Variants in NVL observed in about 807,000 individuals in gnomAD.
NVL encodes nuclear VCP like.
Under a neutral mutation model 110.2 loss-of-function variants are expected in NVL, and 84 were observed. That is an observed-to-expected ratio of 0.76 (90% CI 0.64 to 0.91). The LOEUF (loss-of-function observed/expected upper bound fraction) is 0.91. Among genes scored for constraint, NVL ranks in the 40% least tolerant of loss-of-function variants. The pLI is 0.00. For missense variants in NVL, 882 were observed against 1,035.9 expected (o/e 0.85, Z 2.04); for synonymous variants, 354 against 361.1 (o/e 0.98, Z 0.22).
chr1:224,227,505 G>T lies in NVL; in HGVS notation c.*121C>A. The T allele has an allele frequency of 1.5e-6, 1 of 687,302 alleles. No individual in the cohort carries two copies. Among genetic ancestry groups the T allele is most frequent in the Non-Finnish European group, 2.2e-6 (1 of 451,670 alleles). 42.6% of individuals were successfully genotyped at this position (687,302 alleles called of 1,614,324 possible). Reference sequence around the variant, plus strand: ...AGCTTCAGCTTGGCCTCATTCATTTGAAAATAAAATGTTTACATGAGGCCG... The same window carrying T: ...AGCTTCAGCTTGGCCTCATTCATTTTAAAATAAAATGTTTACATGAGGCCG... On this transcript the variant is annotated 3_prime_UTR_variant, in exon 23 of 23. Transcript: ENST00000281701.
chr1:224,272,257 A>G (rs538742699), intron 17 of NVL, among the ~76,000 whole-genome samples: 1 of 151,706 alleles, frequency 6.6e-6, no homozygotes, highest in African/African-American at 2.4e-5. Context: ...AGGCACAAGA[A>G]TCGCTTGAAC....
intron 2 of NVL, among the ~76,000 whole-genome samples, chr1:224,321,231 C>T (rs1558363745): frequency 6.6e-6 from 1 of 151,634 alleles, no homozygotes; most frequent in Non-Finnish European, 1.5e-5. Context: ...GATGATAGAG[C>T]GAGACTGTGT....
At chr1:224,278,669 C>T (rs1250091177) in intron 16 of NVL, among the ~76,000 whole-genome samples, 1 of 152,114 alleles carries the variant, frequency 6.6e-6, no homozygotes, top group East Asian at 1.9e-4. Flanking sequence ...ATATCAGACA[C>T]CAACACTGCT....
intron 2 of NVL, among the ~76,000 whole-genome samples, chr1:224,319,300 TTTTC>T (rs1032931591): frequency 1.3e-4 from 19 of 151,414 alleles, no homozygotes; most frequent in African/African-American, 4.6e-4. Context: ...TTATAGTTGT[TTTTC>T]TTTCTTTCTT....
At chr1:224,239,979 C>T (rs60256604) in intron 19 of NVL, among the ~76,000 whole-genome samples, 5,963 of 151,858 alleles carry the variant, frequency 0.039, 142 homozygotes, top group African/African-American at 0.047. Context: ...CTCACTGCAA[C>T]TTACGCCTCC....
intron 18 of NVL, among the ~76,000 whole-genome samples, chr1:224,255,872 C>A (rs1020245416): frequency 1.3e-5 from 2 of 152,118 alleles, no homozygotes; most frequent in African/African-American, 4.8e-5. Flanking sequence ...GTCTTTGATT[C>A]ATTTTGAGTT....
At chr1:224,276,942 AAAC>A (rs2102861349) in intron 16 of NVL, among the ~76,000 whole-genome samples, 1 of 39,172 alleles carries the variant, frequency 2.6e-5, no homozygotes, top group East Asian at 3.8e-4. Flanking sequence ...ATGACACATA[AAAC>A]TAGTTTTATG....
intron 18 of NVL, among the ~76,000 whole-genome samples, chr1:224,257,506 TTTTG>T (rs774331521): frequency 5.0e-5 from 2 of 39,820 alleles, no homozygotes; most frequent in African/African-American, 8.3e-5. Flanking sequence ...ACAAGTGGTT[TTTTG>T]TTTGTCTGTT....
At chr1:224,302,957 G>A in intron 9 of NVL, 1 of 303,440 alleles carries the variant, frequency 3.3e-6, no homozygotes, top group Non-Finnish European at 6.6e-6. Flanking sequence ...GCTGAGGTGG[G>A]AGGACCACTT....
chr1:224,274,953 C>A (rs550788120), intron 17 of NVL, among the ~76,000 whole-genome samples: 7 of 152,176 alleles, frequency 4.6e-5, no homozygotes, highest in South Asian at 2.1e-4. Context: ...AAGTTAATAA[C>A]CTGACCCTAT....
At chr1:224,313,520 G>A (rs1669762093) in intron 4 of NVL, among the ~76,000 whole-genome samples, 1 of 152,056 alleles carries the variant, frequency 6.6e-6, no homozygotes, top group Non-Finnish European at 1.5e-5. Context: ...AAAAAGAAGT[G>A]GCAACATGGG....
At position 224,326,394 on chromosome 1, in the gene NVL, T is replaced by C; in HGVS notation, c.128A>G (p.Tyr43Cys). ...GVLASDLQRV[Y>C]SIDYGRRKRN... ...TCCGGAAACTATATTTATTTACCTG[T>C]ACACTCTTTGTAAATCAGACGCTAA... Residue 43 changes from tyrosine (Y) to cysteine (C), a missense_variant, in exon 2 of 23, where the codon TAC (tyrosine) becomes TGC (cysteine). Around this residue, in one of 4 missense-constraint regions of NVL, gnomAD observed 274 missense variants for 268.4 expected, o/e 1.02. Coordinates refer to ENST00000281701, the MANE Select transcript of NVL (RefSeq NM_002533.4). 1 of 1,606,936 alleles carries C rather than the reference T, an allele frequency of 6.2e-7. No homozygotes were observed. The highest frequency in any genetic ancestry group is 8.5e-7 in the Non-Finnish European group (1 of 1,174,742).
intron 11 of NVL, 83 bp downstream of exon 11, chr1:224,296,418 A>T: frequency 1.4e-6 from 1 of 702,700 alleles, no homozygotes; most frequent in Non-Finnish European, 2.3e-6. Context: ...TACTATATGA[A>T]TATTATTTTT....
chr1:224,233,128 A>G (rs1364637736), intron 21 of NVL, 73 bp downstream of exon 21: 1 of 1,272,480 alleles, frequency 7.9e-7, no homozygotes, highest in East Asian at 2.4e-5. Context: ...ACACTAGAAA[A>G]TGGTCATTTT....
chr1:224,233,402 G>T, intron 20 of NVL, 113 bp from the exon 21 acceptor site: 1 of 629,654 alleles, frequency 1.6e-6, no homozygotes, highest in Non-Finnish European at 2.5e-6. Context: ...GAGAAAAAGT[G>T]ACCAATAAAG....
rs1158246270 is a variant in NVL at position 224,305,156 on chromosome 1, T to G, written c.626A>C (p.Asp209Ala). Residue 209 changes from aspartate (D) to alanine (A), a missense_variant, in exon 7 of 23, where the codon GAT (aspartate) becomes GCT (alanine). Transcript: ENST00000281701. ...KPITEIQDSK[D>A]SSLLESDMKR... ...CATATCACTCTCCAAAAGAGAAGAA[T>G]CTTTTGAATCCTGGAAAGAAAATAA... The G allele has an allele frequency of 3.1e-5, 49 of 1,605,116 alleles. No homozygotes were observed. Among genetic ancestry groups the G allele is most frequent in the Non-Finnish European group, 4.1e-5 (48 of 1,178,044 alleles).
At chr1:224,325,475 T>C (rs144922147) in intron 2 of NVL, among the ~76,000 whole-genome samples, 8,654 of 149,670 alleles carry the variant, frequency 0.058, 283 homozygotes, top group East Asian at 0.096. Flanking sequence ...GGCTCACGTC[T>C]GTAATCCCAG....
chr1:224,311,852 G>A lies in NVL; in HGVS notation c.290C>T (p.Thr97Ile). 5 of 1,611,756 alleles carry A rather than the reference G, an allele frequency of 3.1e-6. No homozygotes were observed. Among genetic ancestry groups the A allele is most frequent in the Non-Finnish European group, 4.2e-6 (5 of 1,178,094 alleles). The change falls in exon 5 of 23, where the codon ACT (threonine) becomes ATT (isoleucine). Residue 97 changes from threonine to isoleucine, a missense_variant. By Grantham distance (89) the Thr-to-Ile change is moderately conservative. This residue lies in a region of NVL where 274 missense variants were observed against 268.4 expected (regional missense o/e 1.02). Coordinates refer to ENST00000281701, the MANE Select transcript of NVL (RefSeq NM_002533.4). The part of the protein sequence containing the change: ...ARQGEEDNEY[T>I]ESYSDDDSSM... ...TGAATCATCATCAGAATAGCTTTCA[G>A]TATACCTCAGTAAAAGGAGGGAAAA...
Position 224,330,092 on chromosome 1 carries a change from T to C in NVL, c.36A>G (p.Lys12=), listed in dbSNP as rs1225848677. ...KPRPAGFVDN[K]LKQRVIQYLT... ...ACACCTGGATGACTCGCTGCTTGAG[T>C]TTATTATCCACGAACCCTGCAGGTC... The change falls in exon 1 of 23, where the codon AAA becomes AAG. Residue 12 remains lysine, a synonymous_variant. Coordinates refer to ENST00000281701, the MANE Select transcript of NVL (RefSeq NM_002533.4). The C allele has an allele frequency of 1.8e-5, 29 of 1,613,782 alleles. No individual in the cohort carries two copies. Among genetic ancestry groups the C allele is most frequent in the Non-Finnish European group, 2.4e-5 (28 of 1,179,926 alleles).
Sources: gnomAD v4.1 joint callset for allele counts (sites outside exome capture counted in the v4.1 genomes callset) on GRCh38, gnomAD v4.1.1 for gene constraint, gnomAD v4.1.1 regional missense constraint, MANE v1.5 for transcripts, NCBI Gene and HGNC (gene_info 2026-07-23, HGNC 2026-07-21) for gene names.